SLC6A3: variants seen among roughly 807,000 people sequenced by gnomAD.
SLC6A3 encodes solute carrier family 6 member 3.
Under a neutral mutation model 70.4 loss-of-function variants are expected in SLC6A3, and 19 were observed. The observed-to-expected ratio is 0.27, with a 90% CI of 0.19 to 0.40. SLC6A3 has a LOEUF of 0.40. SLC6A3 is among the 10% of genes least tolerant of loss of function. The pLI is 1.00. For synonymous variants in SLC6A3, 368 were observed against 356.6 expected, an observed-to-expected ratio of 1.03 and a Z score of -0.36; for missense variants, 613 against 838.5, an observed-to-expected ratio of 0.73 and a Z score of 3.32.
At chr5:1,400,840 TG>T in intron 14 of SLC6A3, 74 bp downstream of exon 14, 4 of 1,100,252 alleles carry the variant, frequency 3.6e-6, no homozygotes, top group Non-Finnish European at 4.0e-6. Flanking sequence ...CGGAGCCCCC[TG>T]GGGGCTAAGA....
rs1264165824 is a variant in SLC6A3 at position 1,393,686 on chromosome 5, G to T, written c.*1049C>A. ...GTGGGGGCCCTGCATGCGTCCTGGGGTAGTACACGCTCCTGTGGGGGCCCT... is the reference window on the plus strand; with the variant it reads ...GTGGGGGCCCTGCATGCGTCCTGGGTTAGTACACGCTCCTGTGGGGGCCCT... On this transcript the variant is annotated 3_prime_UTR_variant, in exon 15 of 15. Coordinates refer to ENST00000270349, the MANE Select transcript of SLC6A3 (RefSeq NM_001044.5). 1 of 111,904 alleles carries T rather than the reference G, an allele frequency of 8.9e-6. No individual in the cohort carries two copies. The allele number at this position is 111,904 out of a possible 1,614,324, so 6.9% of individuals were successfully genotyped here.
At chr5:1,415,712 C>G (rs947902696) in intron 7 of SLC6A3, among the ~76,000 whole-genome samples, 1 of 152,052 alleles carries the variant, frequency 6.6e-6, no homozygotes, top group Admixed American at 6.5e-5. Flanking sequence ...GGGACACACT[C>G]AGGGGGTTGT....
chr5:1,396,434 C>T lies in SLC6A3; in HGVS notation c.1840-1676G>A, dbSNP rs988307276. Among the ~76,000 whole-genome samples the T allele has an allele frequency of 2.6e-5, 4 of 152,220 alleles. No individual in the cohort carries two copies. The highest frequency in any genetic ancestry group is 9.7e-5 in the African/African-American group (4 of 41,444). On this transcript the variant is annotated intron_variant, in intron 14 of 14. Coordinates refer to ENST00000270349, the MANE Select transcript of SLC6A3 (RefSeq NM_001044.5). This position sits in a 1 kb window ranked among gnomAD's most constrained non-coding sequence, Gnocchi z 7.0. ...AAGGAGGCCCCCCTGCCACCCTGCT[C>T]GCTGCCTCGAGGGAGTTTCTAGATT...
intron 1 of SLC6A3, among the ~76,000 whole-genome samples, chr5:1,444,923 A>C (rs1168418472): frequency 6.6e-6 from 1 of 151,582 alleles, no homozygotes; most frequent in Non-Finnish European, 1.5e-5. Context: ...CCCCCAACAC[A>C]GACAAAGCCC....
At chr5:1,439,913 C>T (rs533307437) in intron 3 of SLC6A3, among the ~76,000 whole-genome samples, 9 of 152,172 alleles carry the variant, frequency 5.9e-5, no homozygotes, top group East Asian at 1.9e-4. Context: ...GGAACGACCC[C>T]GGCCCTCTGG....
intron 4 of SLC6A3, among the ~76,000 whole-genome samples, chr5:1,423,583 GT>G (rs1184315272): frequency 6.6e-6 from 1 of 152,230 alleles, no homozygotes; most frequent in Non-Finnish European, 1.5e-5. Flanking sequence ...CAGTTCCACT[GT>G]TTTTTGAAGG....
In SLC6A3 at chr5:1,421,113, C is replaced by T. The variant is rs28382243; in HGVS notation, c.793-410G>A. On this transcript the variant is annotated intron_variant, in intron 5 of 14. Coordinates refer to ENST00000270349, the MANE Select transcript of SLC6A3 (RefSeq NM_001044.5). This position sits in a 1 kb window ranked among gnomAD's most constrained non-coding sequence, Gnocchi z 7.2. ...CTCCCGTGGCTGGTGCCATACTACA[C>T]GCACTTTTCCAAGGGAGGAGTCGTA... 0.014 allele frequency among the ~76,000 whole-genome samples: 2,178 copies of T among 152,052 alleles called. 58 individuals carry two copies. Among genetic ancestry groups the T allele is most frequent in the African/African-American group, 0.049 (2,032 of 41,448 alleles).
At chr5:1,417,172 A>G (rs1357761288) in intron 6 of SLC6A3, among the ~76,000 whole-genome samples, 1 of 151,370 alleles carries the variant, frequency 6.6e-6, no homozygotes, top group Non-Finnish European at 1.5e-5. Flanking sequence ...ACCACAGGCT[A>G]CATGATGGCG....
At chr5:1,444,106 T>C (rs901426555) in intron 1 of SLC6A3, among the ~76,000 whole-genome samples, 1 of 152,170 alleles carries the variant, frequency 6.6e-6, no homozygotes, top group Non-Finnish European at 1.5e-5. Flanking sequence ...AAAAAGTGTC[T>C]GTACAAGCCA....
At position 1,411,203 on chromosome 5, in the gene SLC6A3, C is replaced by T; in HGVS notation, c.1269+40G>A. On this transcript the variant is annotated intron_variant, in intron 9 of 14. Transcript: ENST00000270349. This position sits in a 1 kb window ranked among gnomAD's most constrained non-coding sequence, Gnocchi z 6.5. ...AGGGCCCCCTCGGGTGGAAGGAACC[C>T]AACTGCCGAGGACAGGGCCGGGCGG... 2.8e-6 allele frequency: 4 copies of T among 1,423,332 alleles called. No individual in the cohort carries two copies. Among genetic ancestry groups the T allele is most frequent in the Non-Finnish European group, 3.9e-6 (4 of 1,031,804 alleles). The allele number at this position is 1,423,332 out of a possible 1,614,324, so 88.2% of individuals were successfully genotyped here.
rs1396687077 is a variant in SLC6A3, at chr5:1,413,279, A to G, written c.1156+1412T>C. 6.6e-6 allele frequency among the ~76,000 whole-genome samples: 1 copy of G among 152,170 alleles called. No homozygotes were observed. The highest frequency in any genetic ancestry group is 2.4e-5 in the African/African-American group (1 of 41,440). On this transcript the variant is annotated intron_variant, in intron 8 of 14. Transcript: ENST00000270349. This position sits in a 1 kb window ranked among gnomAD's most constrained non-coding sequence, Gnocchi z 7.1. Reference sequence around the variant, plus strand: ...TGTTCCCTTTCTCCCGCTTTGACTGAATTTTTTTTCCTAGTGGAAAGAACA... The same window carrying G: ...TGTTCCCTTTCTCCCGCTTTGACTGGATTTTTTTTCCTAGTGGAAAGAACA...
At chr5:1,422,090 G>A (rs1403407588) in intron 4 of SLC6A3, 76 bp from the exon 5 acceptor site, 2 of 1,489,358 alleles carry the variant, frequency 1.3e-6, no homozygotes, top group Non-Finnish European at 1.8e-6. Context: ...AGCTTGTCCG[G>A]GGACCTGCCC....
chr5:1,440,888 G>C (rs1007033157), intron 3 of SLC6A3, among the ~76,000 whole-genome samples: 1 of 152,140 alleles, frequency 6.6e-6, no homozygotes, highest in African/African-American at 2.4e-5. Flanking sequence ...CCCAGTTTGT[G>C]TCATTTGTTA....
At position 1,421,658 on chromosome 5, in the gene SLC6A3, C is replaced by A. The variant is rs1407081022; in HGVS notation, c.792+218G>T. 2.0e-5 allele frequency among the ~76,000 whole-genome samples: 3 copies of A among 151,770 alleles called. No individual in the cohort carries two copies. The highest frequency in any genetic ancestry group is 4.4e-5 in the Non-Finnish European group (3 of 67,946). ...CCAACCCGGCACAGCCACAGGTGTACCCTCAATCATGGCCACGTGTACACT... is the reference window on the plus strand; with the variant it reads ...CCAACCCGGCACAGCCACAGGTGTAACCTCAATCATGGCCACGTGTACACT... On this transcript the variant is annotated intron_variant, in intron 5 of 14. Transcript: ENST00000270349. This position sits in a 1 kb window ranked among gnomAD's most constrained non-coding sequence, Gnocchi z 7.2.
chr5:1,442,877 G>T lies in SLC6A3; in HGVS notation c.286+35C>A, dbSNP rs766927965. On this transcript the variant is annotated intron_variant, in intron 2 of 14. Transcript: ENST00000270349. This position sits in a 1 kb window ranked among gnomAD's most constrained non-coding sequence, Gnocchi z 5.0. ...CGGCTGCCCCTACGACCCCCGCCCG[G>T]CCAGCATGCTCAGGGAGGCTGAGAT... 12 of 1,612,678 alleles carry T rather than the reference G, an allele frequency of 7.4e-6. No homozygotes were observed. The Middle Eastern group carries it at 8.2e-4, about 110-fold the overall frequency.
In SLC6A3 at chr5:1,442,892, G is replaced by C. The variant is rs8179023; in HGVS notation, c.286+20C>G. On this transcript the variant is annotated intron_variant, in intron 2 of 14. Coordinates refer to ENST00000270349, the MANE Select transcript of SLC6A3 (RefSeq NM_001044.5). This position sits in a 1 kb window ranked among gnomAD's most constrained non-coding sequence, Gnocchi z 5.0. ...CCCCCGCCCGGCCAGCATGCTCAGG[G>C]AGGCTGAGATGGGACTTACCGCCAC... 0.016 allele frequency: 26,253 copies of C among 1,613,952 alleles called. 3,258 individuals are homozygous for C. The African/African-American group carries it at 0.29, about 18-fold the overall frequency.
At chr5:1,400,884 G>C in intron 14 of SLC6A3, 31 bp downstream of exon 14, 1 of 1,469,672 alleles carries the variant, frequency 6.8e-7, no homozygotes, top group Non-Finnish European at 9.3e-7. Flanking sequence ...GAATTCCCCC[G>C]AGAGAGGCCC....
intron 4 of SLC6A3, among the ~76,000 whole-genome samples, chr5:1,431,267 T>C (rs971687856): frequency 5.9e-5 from 9 of 152,140 alleles, no homozygotes; most frequent in Admixed American, 4.6e-4. Flanking sequence ...GGCCAGGCCA[T>C]TGGTGACGAG....
rs368585439 is a variant in SLC6A3 at position 1,416,922 on chromosome 5, T to C, written c.928-721A>G. Among the ~76,000 whole-genome samples, 250 of 151,968 alleles carry C rather than the reference T, an allele frequency of 1.6e-3. 8 individuals are homozygous for C. In the South Asian group the frequency reaches 0.041, roughly 25 times the overall value. On this transcript the variant is annotated intron_variant, in intron 6 of 14. Coordinates refer to ENST00000270349, the MANE Select transcript of SLC6A3 (RefSeq NM_001044.5). Reference sequence around the variant, plus strand: ...ACAGATTCATCCACATGCTGCATAATGGTGGCACCCTGATAACCCTCAGAA... The same window carrying C: ...ACAGATTCATCCACATGCTGCATAACGGTGGCACCCTGATAACCCTCAGAA...
Sources: allele counts gnomAD v4.1 joint callset (sites outside exome capture counted in the v4.1 genomes callset), GRCh38; gene constraint gnomAD v4.1.1; non-coding constraint Gnocchi (gnomAD v3.1); transcripts MANE v1.5; gene names NCBI Gene and HGNC (gene_info 2026-07-23, HGNC 2026-07-21).